The following DCSTAMP variants were observed in gnomAD, a reference collection of about 807,000 sequenced individuals.
DCSTAMP encodes the protein dendrocyte expressed seven transmembrane protein.
DCSTAMP carries 25 observed loss-of-function variants against 33.8 expected under a neutral mutation model. That is an observed-to-expected ratio of 0.74 (90% CI 0.54 to 1.03). The LOEUF (loss-of-function observed/expected upper bound fraction) is 1.03. Ranked by LOEUF, DCSTAMP falls within the 50% of genes least tolerant of loss-of-function variation. The pLI, the probability that DCSTAMP is intolerant of heterozygous loss-of-function variation, is 0.00. For missense variants in DCSTAMP, 531 were observed against 556.8 expected (o/e 0.95, Z 0.47); for synonymous variants, 245 against 216.7 (o/e 1.13, Z -1.15).
chr8:104,348,580 A>T lies in DCSTAMP; in HGVS notation c.28A>T (p.Ile10Phe). 1 of 1,614,076 alleles carries T rather than the reference A, an allele frequency of 6.2e-7. No individual in the cohort carries two copies. The highest frequency in any genetic ancestry group is 8.5e-7 in the Non-Finnish European group (1 of 1,179,954). MGIWTSGTD[I>F]FLSLWEIYVS... Reference sequence around the variant, plus strand: ...GGGTATCTGGACCTCAGGCACTGATATCTTCCTAAGTCTTTGGGAGATTTA... The same window carrying T: ...GGGTATCTGGACCTCAGGCACTGATTTCTTCCTAAGTCTTTGGGAGATTTA... The change falls in exon 2 of 4, where the codon ATC (isoleucine) becomes TTC (phenylalanine). Residue 10 changes from isoleucine to phenylalanine, a missense_variant. By Grantham distance (21) the Ile-to-Phe change is conservative. Transcript: ENST00000297581.
At chr8:104,355,287 C>T in intron 3 of DCSTAMP, 102 bp downstream of exon 3, 1 of 1,229,450 alleles carries the variant, frequency 8.1e-7, no homozygotes, top group South Asian at 1.5e-5. Context: ...AACTTCACAT[C>T]AGGGCTTGTA....
intron 2 of DCSTAMP, among the ~76,000 whole-genome samples, chr8:104,350,491 C>T (rs1367484683): frequency 6.6e-6 from 1 of 152,172 alleles, no homozygotes; most frequent in Non-Finnish European, 1.5e-5. Context: ...CTAAGTTACC[C>T]AGTAAAATGG....
chr8:104,344,818 G>T (rs368846735), intron 1 of DCSTAMP, among the ~76,000 whole-genome samples: 3 of 152,282 alleles, frequency 2.0e-5, no homozygotes, highest in African/African-American at 7.2e-5. Flanking sequence ...AATATCTGAA[G>T]GAAGATCAGC....
At chr8:104,353,876 T>G (rs1368934120) in intron 2 of DCSTAMP, among the ~76,000 whole-genome samples, 1 of 152,214 alleles carries the variant, frequency 6.6e-6, no homozygotes, top group Admixed American at 6.5e-5. Context: ...TTCCCCAAGG[T>G]GTTTAATTTA....
chr8:104,344,416 C>T (rs1372119116), intron 1 of DCSTAMP, among the ~76,000 whole-genome samples: 1 of 152,140 alleles, frequency 6.6e-6, no homozygotes, highest in Admixed American at 6.5e-5. Context: ...ATGTCAAGTG[C>T]TCATGTGGCC....
In DCSTAMP at chr8:104,349,499, T is replaced by C; in HGVS notation, c.947T>C (p.Leu316Pro). 6.2e-7 allele frequency: 1 copy of C among 1,614,194 alleles called. No homozygotes were observed. The highest frequency in any genetic ancestry group is 8.5e-7 in the Non-Finnish European group (1 of 1,180,036). ...GTGCTGTTTGCAGCTGTAGATTATC[T>C]GCTGTATCGGCTCATTTTCTCAGTG... ...IWVLFAAVDYLLYRLIFSVSK... is the reference protein window; with the variant it reads ...IWVLFAAVDYPLYRLIFSVSK... Residue 316 changes from leucine to proline, a missense_variant, in exon 2 of 4, where the codon CTG becomes CCG. Leu to Pro is a moderately conservative substitution (Grantham distance 98, BLOSUM62 -3). Coordinates refer to ENST00000297581, the MANE Select transcript of DCSTAMP (RefSeq NM_030788.4).
chr8:104,343,205 T>C (rs1318841392), intron 1 of DCSTAMP, among the ~76,000 whole-genome samples: 1 of 152,216 alleles, frequency 6.6e-6, no homozygotes, highest in Non-Finnish European at 1.5e-5. Flanking sequence ...AAATCCTGGC[T>C]CTTGCACTTA....
At chr8:104,344,620 A>T (rs908839503) in intron 1 of DCSTAMP, among the ~76,000 whole-genome samples, 1 of 152,146 alleles carries the variant, frequency 6.6e-6, no homozygotes, top group African/African-American at 2.4e-5. Context: ...CAAGATCTGC[A>T]TTTTCACAAG....
chr8:104,345,318 A>G (rs1426651342), intron 1 of DCSTAMP, among the ~76,000 whole-genome samples: 1 of 152,160 alleles, frequency 6.6e-6, no homozygotes, highest in Non-Finnish European at 1.5e-5. Context: ...TGAGGAACAG[A>G]GAAGAAATCA....
intron 2 of DCSTAMP, among the ~76,000 whole-genome samples, chr8:104,351,164 C>T (rs749403248): frequency 1.3e-5 from 2 of 152,062 alleles, no homozygotes; most frequent in African/African-American, 2.4e-5. Context: ...GGCATCCCAT[C>T]GTTTATCTTT....
In DCSTAMP at chr8:104,350,690, A is replaced by C. The variant is rs76782875; in HGVS notation, c.1029+1109A>C. ...AACTGGGAGAGCATTTTAAATGAGC[A>C]TGCCTGTGATTTCAAGGTAGGTGGT... On this transcript the variant is annotated intron_variant, in intron 2 of 3. Transcript: ENST00000297581. Among the ~76,000 whole-genome samples the C allele has an allele frequency of 7.6e-3, 1,163 of 152,318 alleles. 11 individuals are homozygous for C. Among genetic ancestry groups the C allele is most frequent in the African/African-American group, 0.027 (1,114 of 41,570 alleles).
Position 104,355,145 on chromosome 8 carries a change from T to G in DCSTAMP, c.1298T>G (p.Leu433Arg), listed in dbSNP as rs772296325. The change falls in exon 3 of 4, where the codon CTG becomes CGG. Residue 433 changes from leucine (L) to arginine (R), a missense_variant. Coordinates refer to ENST00000297581, the MANE Select transcript of DCSTAMP (RefSeq NM_030788.4). ...KLLKKRSKQP[L>R]GEVKRRLSLY... ...CTTAAAAAAAGATCAAAGCAGCCGCTGGGAGAAGTCAAAAGACGGCTGAGT... is the reference window on the plus strand; with the variant it reads ...CTTAAAAAAAGATCAAAGCAGCCGCGGGGAGAAGTCAAAAGACGGCTGAGT... 2 of 1,613,982 alleles carry G rather than the reference T, an allele frequency of 1.2e-6. No individual in the cohort carries two copies. Among genetic ancestry groups the G allele is most frequent in the East Asian group, 2.2e-5 (1 of 44,870 alleles).
In DCSTAMP at chr8:104,349,282, A is replaced by G. The variant is rs540504854; in HGVS notation, c.730A>G (p.Asn244Asp). 1.5e-5 allele frequency: 24 copies of G among 1,614,054 alleles called. No homozygotes were observed. Among genetic ancestry groups the G allele is most frequent in the South Asian group, 7.7e-5 (7 of 91,084 alleles). The change falls in exon 2 of 4, where the codon AAC becomes GAC. Residue 244 changes from asparagine to aspartate, a missense_variant. Coordinates refer to ENST00000297581, the MANE Select transcript of DCSTAMP (RefSeq NM_030788.4). ...GGGCCCTTGTGGTTGGAAGTATGAA[A>G]ACATCTACATCACCAGACAATTTGT... ...FLGPCGWKYE[N>D]IYITRQFVQF... is the part of the protein sequence containing the mutation.
intron 2 of DCSTAMP, among the ~76,000 whole-genome samples, chr8:104,353,849 T>C (rs1810536559): frequency 6.6e-6 from 1 of 152,236 alleles, no homozygotes. Flanking sequence ...CACCCCAGTC[T>C]ATAAGGCTAA....
chr8:104,355,399 A>T (rs79003824), intron 3 of DCSTAMP, among the ~76,000 whole-genome samples: 2 of 152,324 alleles, frequency 1.3e-5, no homozygotes, highest in African/African-American at 2.4e-5. Context: ...ACTACAAGAT[A>T]TCTTAAAATA....
At chr8:104,355,213 C>T (rs1588379481) in intron 3 of DCSTAMP, 28 bp downstream of exon 3, 1 of 1,580,946 alleles carries the variant, frequency 6.3e-7, no homozygotes, top group Non-Finnish European at 8.6e-7. Context: ...GTGTAACCTC[C>T]AATTGAGGAA....
intron 2 of DCSTAMP, among the ~76,000 whole-genome samples, chr8:104,353,748 C>T (rs1810532748): frequency 1.3e-5 from 2 of 152,194 alleles, no homozygotes; most frequent in Non-Finnish European, 2.9e-5. Flanking sequence ...GCCCAGCGTC[C>T]GCTGGGTGTA....
chr8:104,340,073 G>A (rs1564062025), intron 1 of DCSTAMP, among the ~76,000 whole-genome samples: 1 of 152,042 alleles, frequency 6.6e-6, no homozygotes, highest in Non-Finnish European at 1.5e-5. Context: ...CTTCTTATGG[G>A]TGTAGCCTGG....
chr8:104,343,080 A>T (rs528999536), intron 1 of DCSTAMP, among the ~76,000 whole-genome samples: 18 of 152,208 alleles, frequency 1.2e-4, no homozygotes, highest in Non-Finnish European at 2.2e-4. Context: ...TTCTTTTGTG[A>T]TTGGGATCCT....
Sources: gnomAD v4.1 joint callset for allele counts (sites outside exome capture counted in the v4.1 genomes callset) on GRCh38, gnomAD v4.1.1 for gene constraint, MANE v1.5 for transcripts, NCBI Gene and HGNC (gene_info 2026-07-23, HGNC 2026-07-21) for gene names.